Variants in KCNQ1 observed in about 807,000 individuals in gnomAD.
KCNQ1 encodes potassium voltage-gated channel subfamily Q member 1.
KCNQ1 carries 49 observed loss-of-function variants against 72.4 expected under a neutral mutation model. That is an observed-to-expected ratio of 0.68 (90% CI 0.54 to 0.86). The LOEUF (loss-of-function observed/expected upper bound fraction) is 0.86. Ranked by LOEUF, KCNQ1 falls within the 40% of genes least tolerant of loss-of-function variation. The probability of loss-of-function intolerance (pLI) is 0.00; values close to 1 mark genes in which losing one functional copy is unlikely to be tolerated. For missense variants in KCNQ1, 790 were observed against 945.1 expected (o/e 0.84, Z 2.15); for synonymous variants, 450 against 412.6 (o/e 1.09, Z -1.10).
chr11:2,692,392 C>T, intron 11 of KCNQ1: 2 of 398,804 alleles, frequency 5.0e-6, no homozygotes, highest in Non-Finnish European at 8.8e-6. Flanking sequence ...TGCCCCATTC[C>T]AATCAATTAT....
intron 15 of KCNQ1, among the ~76,000 whole-genome samples, chr11:2,838,977 GC>G (rs1458712541): frequency 6.6e-6 from 1 of 152,032 alleles, no homozygotes; most frequent in African/African-American, 2.4e-5. Flanking sequence ...CCAAACAGAG[GC>G]CGATGGGACG....
chr11:2,469,835 A>T (rs752951183), intron 1 of KCNQ1, among the ~76,000 whole-genome samples: 2 of 150,076 alleles, frequency 1.3e-5, no homozygotes, highest in Non-Finnish European at 3.0e-5. Flanking sequence ...CACTGTATCC[A>T]GCTGATTTTT....
At position 2,457,592 on chromosome 11, in the gene KCNQ1, A is replaced by G. The variant is rs1846215329; in HGVS notation, c.386+12108A>G. On this transcript the variant is annotated intron_variant, in intron 1 of 15. Coordinates refer to ENST00000155840, the MANE Select transcript of KCNQ1 (RefSeq NM_000218.3). The surrounding 1 kb of genome is among the most constrained non-coding windows in gnomAD (Gnocchi z 5.0). ...CTAAACATCAAATCCATGTGGACAT[A>G]ATGATGAGAACAAGAGACACTGGGG... 1.3e-5 allele frequency among the ~76,000 whole-genome samples: 2 copies of G among 151,936 alleles called. No individual in the cohort carries two copies. The highest frequency in any genetic ancestry group is 2.9e-5 in the Non-Finnish European group (2 of 68,032).
intron 6 of KCNQ1, among the ~76,000 whole-genome samples, chr11:2,574,515 C>T (rs1848390964): frequency 1.3e-5 from 2 of 152,164 alleles, no homozygotes; most frequent in Non-Finnish European, 2.9e-5. Context: ...GGTGCCAGGA[C>T]CCAGTCCGTC....
rs1296906884 is a variant in KCNQ1, at chr11:2,447,019, ACCT to A, written c.386+1540_386+1542del. On this transcript the variant is annotated intron_variant, in intron 1 of 15. Coordinates refer to ENST00000155840, the MANE Select transcript of KCNQ1 (RefSeq NM_000218.3). The surrounding 1 kb of genome is among the most constrained non-coding windows in gnomAD (Gnocchi z 7.6). ...CTCTGAGATGTCCAAGGGTGGGAAG[ACCT>A]CCTCAGCCAGAGGCCAAGGCAAAGT... Among the ~76,000 whole-genome samples, 6 of 151,920 alleles carry A rather than the reference ACCT, an allele frequency of 3.9e-5. No homozygotes were observed. The highest frequency in any genetic ancestry group is 5.9e-5 in the Non-Finnish European group (4 of 67,968).
At chr11:2,778,156 G>T (rs1846746789) in intron 15 of KCNQ1, 119 bp downstream of exon 15, 6 of 945,234 alleles carry the variant, frequency 6.3e-6, no homozygotes, top group Non-Finnish European at 9.9e-6. Flanking sequence ...TCCCGCCAGT[G>T]CCTACTGCAG....
At chr11:2,788,561 C>T (rs1050783366) in intron 15 of KCNQ1, among the ~76,000 whole-genome samples, 1 of 151,172 alleles carries the variant, frequency 6.6e-6, no homozygotes, top group African/African-American at 2.4e-5. Flanking sequence ...CCCCGCCCCC[C>T]ACACCCAACC....
At chr11:2,773,478 G>A (rs1240769233) in intron 12 of KCNQ1, among the ~76,000 whole-genome samples, 13 of 150,108 alleles carry the variant, frequency 8.7e-5, no homozygotes, top group East Asian at 2.0e-4. Flanking sequence ...ACAGAAAGGA[G>A]GATCAGGGCT....
At chr11:2,570,832 G>T in intron 3 of KCNQ1, 78 bp downstream of exon 3, 2 of 1,589,794 alleles carry the variant, frequency 1.3e-6, no homozygotes, top group Admixed American at 3.3e-5. Flanking sequence ...ACCCCTACCA[G>T]ATGGAGTCCC....
At chr11:2,786,608 C>G (rs771774249) in intron 15 of KCNQ1, among the ~76,000 whole-genome samples, 6 of 150,300 alleles carry the variant, frequency 4.0e-5, no homozygotes, top group Non-Finnish European at 7.4e-5. Context: ...CACTTTGTCT[C>G]TCTGTACTGT....
intron 11 of KCNQ1, chr11:2,688,963 G>C (rs1266602184): frequency 5.0e-6 from 2 of 398,820 alleles, no homozygotes; most frequent in Non-Finnish European, 8.8e-6. Context: ...AGGGCTCTGA[G>C]AGTAGGGGTC....
At chr11:2,681,025 T>C (rs925631085) in intron 11 of KCNQ1, 42 of 398,438 alleles carry the variant, frequency 1.1e-4, no homozygotes, top group African/African-American at 8.0e-4. Context: ...GAAAGCCTCC[T>C]CAGATGTGGA....
rs2133577442 is a variant in KCNQ1, at chr11:2,458,330, C to T, written c.386+12846C>T. Among the ~76,000 whole-genome samples, 1 of 152,298 alleles carries T rather than the reference C, an allele frequency of 6.6e-6. No individual in the cohort carries two copies. Among genetic ancestry groups the T allele is most frequent in the East Asian group, 1.9e-4 (1 of 5,186 alleles). On this transcript the variant is annotated intron_variant, in intron 1 of 15. Transcript: ENST00000155840. This position sits in a 1 kb window ranked among gnomAD's most constrained non-coding sequence, Gnocchi z 4.6. ...CATTTCTCTAAAGATCTGTGGAGGT[C>T]AATAGGGAGACCGCTCATGATGTTG...
chr11:2,765,821 T>C (rs895321937), intron 11 of KCNQ1, among the ~76,000 whole-genome samples: 2 of 152,218 alleles, frequency 1.3e-5, no homozygotes, highest in Admixed American at 1.3e-4. Flanking sequence ...TCCCAACATG[T>C]TTTTGTATCG....
chr11:2,525,851 C>A (rs1446629660), intron 1 of KCNQ1, among the ~76,000 whole-genome samples: 1 of 152,316 alleles, frequency 6.6e-6, no homozygotes, highest in East Asian at 1.9e-4. Flanking sequence ...GGGCTGATCA[C>A]CTACTGTGCA....
intron 6 of KCNQ1, among the ~76,000 whole-genome samples, chr11:2,580,939 C>A (rs1034294725): frequency 1.3e-4 from 20 of 152,230 alleles, no homozygotes; most frequent in Admixed American, 2.0e-4. Flanking sequence ...GGAGGCAGAG[C>A]CCGGAGTGGA....
intron 2 of KCNQ1, among the ~76,000 whole-genome samples, chr11:2,551,192 T>C (rs1453380360): frequency 1.3e-4 from 20 of 152,204 alleles, no homozygotes; most frequent in Admixed American, 1.3e-3. Context: ...CAAACATTTA[T>C]GGTCCTGTAA....
In KCNQ1 at chr11:2,538,866, A is replaced by AT. The variant is rs1847778141; in HGVS notation, c.477+10854dup. 6.6e-6 allele frequency among the ~76,000 whole-genome samples: 1 copy of AT among 151,800 alleles called. No homozygotes were observed. The highest frequency in any genetic ancestry group is 2.1e-4 in the South Asian group (1 of 4,810). Reference sequence around the variant, plus strand: ...GGCAGGAGGTAGAGGAAACTGCAAGATTTTTTAAACCTTCTCCAAAAACAC... The same window carrying AT: ...GGCAGGAGGTAGAGGAAACTGCAAGATTTTTTTAAACCTTCTCCAAAAACAC... On this transcript the variant is annotated intron_variant, in intron 2 of 15. Coordinates refer to ENST00000155840, the MANE Select transcript of KCNQ1 (RefSeq NM_000218.3). The surrounding 1 kb of genome is among the most constrained non-coding windows in gnomAD (Gnocchi z 6.7).
intron 11 of KCNQ1, among the ~76,000 whole-genome samples, chr11:2,753,312 T>C (rs1846254653): frequency 6.6e-6 from 1 of 152,042 alleles, no homozygotes; most frequent in African/African-American, 2.4e-5. Flanking sequence ...GGAGCCCAAA[T>C]AGGGAGTTCA....
Sources: allele counts gnomAD v4.1 joint callset (sites outside exome capture counted in the v4.1 genomes callset), GRCh38; gene constraint gnomAD v4.1.1; non-coding constraint Gnocchi (gnomAD v3.1); transcripts MANE v1.5; gene names NCBI Gene and HGNC (gene_info 2026-07-23, HGNC 2026-07-21).